The following ZNF827 variants were observed in gnomAD, a reference collection of about 807,000 sequenced individuals.
ZNF827 encodes the protein zinc finger protein 827.
In ZNF827, 13 loss-of-function variants were observed where a neutral mutation model predicts 102.4. The ratio of observed to expected loss-of-function variants is 0.13; its 90% CI spans 0.08 to 0.20. The LOEUF (loss-of-function observed/expected upper bound fraction) is 0.20, where lower values mean the gene tolerates loss of function less well. Ranked by LOEUF, ZNF827 falls within the 10% of genes least tolerant of loss-of-function variation. The pLI is 1.00. For missense variants in ZNF827, 1,103 were observed against 1,344.4 expected (o/e 0.82, Z 2.81); for synonymous variants, 523 against 536.2 (o/e 0.98, Z 0.34).
intron 3 of ZNF827, among the ~76,000 whole-genome samples, chr4:145,886,901 G>C (rs940523932): frequency 5.3e-5 from 8 of 152,204 alleles, no homozygotes; most frequent in Non-Finnish European, 1.0e-4. Flanking sequence ...GCATGCACAT[G>C]ATACCTGTAA....
chr4:145,865,029 T>G (rs1263925777), intron 5 of ZNF827, among the ~76,000 whole-genome samples: 1 of 152,220 alleles, frequency 6.6e-6, no homozygotes, highest in Non-Finnish European at 1.5e-5. Flanking sequence ...GCTAAATCTC[T>G]AATTAACCTC....
chr4:145,844,578 G>GCTGAGGTGGGAGGATGGCTTGAGC (rs1745738259), intron 7 of ZNF827, among the ~76,000 whole-genome samples: 1 of 151,722 alleles, frequency 6.6e-6, no homozygotes, highest in Non-Finnish European at 1.5e-5. Context: ...TACTCGGGAG[G>GCTGAGGTGGGAGGATGGCTTGAGC]CTGAGGTGGG....
At chr4:145,880,183 C>T (rs967137144) in intron 4 of ZNF827, among the ~76,000 whole-genome samples, 2 of 152,104 alleles carry the variant, frequency 1.3e-5, no homozygotes, top group African/African-American at 4.8e-5. Flanking sequence ...TTCAGTGAGC[C>T]GAGATCGCAT....
chr4:145,933,195 C>T (rs1202562726), intron 1 of ZNF827, among the ~76,000 whole-genome samples: 1 of 151,982 alleles, frequency 6.6e-6, no homozygotes, highest in African/African-American at 2.4e-5. Flanking sequence ...TCAGTGATAC[C>T]CTACTTACTG....
chr4:145,868,768 G>C (rs184195855), intron 5 of ZNF827, among the ~76,000 whole-genome samples: 126 of 152,282 alleles, frequency 8.3e-4, no homozygotes, highest in Non-Finnish European at 1.2e-4. Flanking sequence ...AGCAAACTCT[G>C]AACTAGAAAT....
intron 7 of ZNF827, among the ~76,000 whole-genome samples, chr4:145,841,328 A>T (rs1745395365): frequency 6.6e-6 from 1 of 152,214 alleles, no homozygotes; most frequent in South Asian, 2.1e-4. Context: ...CAAAGGATGT[A>T]GATCTTCTTT....
intron 7 of ZNF827, among the ~76,000 whole-genome samples, chr4:145,840,144 G>C (rs571463696): frequency 6.6e-6 from 1 of 152,354 alleles, no homozygotes; most frequent in Admixed American, 6.5e-5. Context: ...CTGTGTGTGT[G>C]TATCTCCATT....
intron 2 of ZNF827, among the ~76,000 whole-genome samples, chr4:145,892,991 G>A (rs933874431): frequency 1.3e-5 from 2 of 152,312 alleles, no homozygotes; most frequent in East Asian, 1.9e-4. Flanking sequence ...GTTGTGGCTT[G>A]AGCAGATGCT....
intron 8 of ZNF827, among the ~76,000 whole-genome samples, chr4:145,815,983 A>G (rs1742558414): frequency 6.6e-6 from 1 of 152,266 alleles, no homozygotes; most frequent in South Asian, 2.1e-4. Context: ...GGCCAAGGCC[A>G]AAGTGGCCAC....
chr4:145,934,944 T>C (rs1754053027), intron 1 of ZNF827, among the ~76,000 whole-genome samples: 2 of 152,234 alleles, frequency 1.3e-5, no homozygotes, highest in Admixed American at 6.5e-5. Flanking sequence ...TCACAGGTTC[T>C]ACAGATTCTT....
intron 4 of ZNF827, among the ~76,000 whole-genome samples, chr4:145,879,991 C>T (rs1309057143): frequency 6.6e-6 from 1 of 152,172 alleles, no homozygotes; most frequent in African/African-American, 2.4e-5. Flanking sequence ...AATCCCAGCA[C>T]TTTGGGAGGC....
intron 1 of ZNF827, among the ~76,000 whole-genome samples, chr4:145,924,627 A>G (rs923400327): frequency 2.0e-5 from 3 of 152,208 alleles, no homozygotes; most frequent in African/African-American, 4.8e-5. Flanking sequence ...TGGTTTTTCA[A>G]CAGCTCTGCC....
At chr4:145,921,678 G>C (rs879305692) in intron 1 of ZNF827, among the ~76,000 whole-genome samples, 3 of 152,088 alleles carry the variant, frequency 2.0e-5, no homozygotes, top group Admixed American at 6.6e-5. Flanking sequence ...TTACACTCAG[G>C]TTTCTGTCTC....
chr4:145,810,229 T>C (rs1741873672), intron 8 of ZNF827, among the ~76,000 whole-genome samples: 1 of 152,204 alleles, frequency 6.6e-6, no homozygotes, highest in Non-Finnish European at 1.5e-5. Flanking sequence ...ACAAACTGTA[T>C]GAAAAACTCA....
At chr4:145,892,218 G>A (rs1416344636) in intron 3 of ZNF827, 25 bp downstream of exon 3, 1 of 1,587,296 alleles carries the variant, frequency 6.3e-7, no homozygotes, top group Admixed American at 1.7e-5. Context: ...GCCTCTCCAG[G>A]AGGTGCAGTC....
chr4:145,858,742 A>T (rs906973075), intron 5 of ZNF827, among the ~76,000 whole-genome samples: 2 of 152,120 alleles, frequency 1.3e-5, no homozygotes, highest in African/African-American at 4.8e-5. Flanking sequence ...AGCAAAGGCC[A>T]TCTCTGTCAA....
At chr4:145,872,455 T>C (rs572776467) in intron 4 of ZNF827, among the ~76,000 whole-genome samples, 2 of 152,336 alleles carry the variant, frequency 1.3e-5, no homozygotes, top group East Asian at 3.9e-4. Flanking sequence ...ACCTTGATAT[T>C]AGGCTTCCAG....
In ZNF827 at chr4:145,762,433, C is replaced by A. The variant is rs910065031; in HGVS notation, c.*17+657G>T. 2.0e-5 allele frequency among the ~76,000 whole-genome samples: 3 copies of A among 152,204 alleles called. No homozygotes were observed. The highest frequency in any genetic ancestry group is 7.2e-5 in the African/African-American group (3 of 41,444). The stretch of plus-strand genomic sequence containing the variant: ...TAATAATCCAACTGGATTGGAAATT[C>A]TCAGAGGGCAGGACCATATCTTACA... On this transcript the variant is annotated intron_variant, in intron 14 of 14. Transcript: ENST00000508784. The surrounding 1 kb of genome is among the most constrained non-coding windows in gnomAD (Gnocchi z 4.9).
intron 1 of ZNF827, among the ~76,000 whole-genome samples, chr4:145,925,032 G>C (rs949893979): frequency 2.0e-5 from 3 of 152,198 alleles, no homozygotes; most frequent in Admixed American, 1.3e-4. Flanking sequence ...CACAATCACA[G>C]TGGAAGGCAA....
Sources: allele counts gnomAD v4.1 joint callset (sites outside exome capture counted in the v4.1 genomes callset), GRCh38; gene constraint gnomAD v4.1.1; non-coding constraint Gnocchi (gnomAD v3.1); transcripts MANE v1.5; gene names NCBI Gene and HGNC (gene_info 2026-07-23, HGNC 2026-07-21).